The following ZNF148 variants were observed in gnomAD, a reference collection of about 807,000 sequenced individuals.
ZNF148 encodes zinc finger protein 148, also known as Beta-Enolase Repressor Factor-1.
Under a neutral mutation model 67.7 loss-of-function variants are expected in ZNF148, and 7 were observed. The ratio of observed to expected loss-of-function variants is 0.10; its 90% confidence interval spans 0.06 to 0.19. ZNF148 has a LOEUF of 0.19. Ranked by LOEUF, ZNF148 falls within the 10% of genes least tolerant of loss-of-function variation. ZNF148 has a pLI of 1.00. For synonymous variants in ZNF148, 333 were observed against 330.7 expected (o/e 1.01, Z -0.08); for missense variants, 583 against 947.1 (o/e 0.62, Z 5.05).
At chr3:125,260,451 T>C (rs942541828) in intron 7 of ZNF148, among the ~76,000 whole-genome samples, 10 of 152,232 alleles carry the variant, frequency 6.6e-5, no homozygotes, top group Admixed American at 5.9e-4. Context: ...CAATGAATTA[T>C]TGGTGCATCA....
chr3:125,239,291 C>T (rs941127361), intron 7 of ZNF148, among the ~76,000 whole-genome samples: 2 of 152,062 alleles, frequency 1.3e-5, no homozygotes, highest in South Asian at 2.1e-4. Flanking sequence ...AGATAAGGAA[C>T]GTGTATCCAG....
At chr3:125,338,132 A>T (rs984132056) in intron 1 of ZNF148, among the ~76,000 whole-genome samples, 23 of 151,958 alleles carry the variant, frequency 1.5e-4, no homozygotes, top group African/African-American at 5.6e-4. Flanking sequence ...CATCAACCAG[A>T]TCCTCCACCT....
chr3:125,315,333 G>A (rs1940432918), intron 3 of ZNF148, among the ~76,000 whole-genome samples: 1 of 152,032 alleles, frequency 6.6e-6, no homozygotes, highest in Non-Finnish European at 1.5e-5. Context: ...AAACTGACAG[G>A]AACACTATCA....
rs968171203 is a variant in ZNF148 at position 125,226,442 on chromosome 3, T to C, written c.*5899A>G. The C allele has an allele frequency of 2.0e-5, 3 of 152,568 alleles. No individual in the cohort carries two copies. The highest frequency in any genetic ancestry group is 7.2e-5 in the African/African-American group (3 of 41,460). The allele number at this position is 152,568 out of a possible 1,614,324, so 9.5% of individuals were successfully genotyped here. A position where few individuals can be genotyped will look rare whatever the true frequency, so the allele number is the denominator to read the frequency against. ...AATGCAGAATTTGCAAATATTAGTC[T>C]AATAATTCAATTTAAAGTAAAGCAA... On this transcript the variant is annotated 3_prime_UTR_variant, in exon 9 of 9. Transcript: ENST00000360647.
Position 125,339,868 on chromosome 3 carries a change from C to T in ZNF148, c.-233-8630G>A, listed in dbSNP as rs539376215. On this transcript the variant is annotated intron_variant, in intron 1 of 8. Transcript: ENST00000360647. ...ATATACCATTATTTTCAGACGAGATCGGGTGCGTTCAGGGTGGTATGGCCG... is the reference window on the plus strand; with the variant it reads ...ATATACCATTATTTTCAGACGAGATTGGGTGCGTTCAGGGTGGTATGGCCG... Among the ~76,000 whole-genome samples the T allele has an allele frequency of 5.4e-4, 82 of 152,214 alleles. No homozygotes were observed. In the Middle Eastern group the frequency reaches 0.024, roughly 44 times the overall value.
intron 7 of ZNF148, among the ~76,000 whole-genome samples, chr3:125,255,944 T>G (rs1443874555): frequency 6.6e-6 from 1 of 152,152 alleles, no homozygotes; most frequent in Non-Finnish European, 1.5e-5. Flanking sequence ...TAAAAAAAAT[T>G]TAACCTGCTT....
rs919967319 is a variant in ZNF148, at chr3:125,366,802, C to T, written c.-234+8300G>A. On this transcript the variant is annotated intron_variant, in intron 1 of 8. Coordinates refer to ENST00000360647, the MANE Select transcript of ZNF148 (RefSeq NM_021964.3). ...TCTCTCAGGCAGGAATGCTCTCTTT[C>T]AGTAATCTTTGCCAATCAAAATCCT... Among the ~76,000 whole-genome samples, 8 of 152,216 alleles carry T rather than the reference C, an allele frequency of 5.3e-5. No individual in the cohort carries two copies. The East Asian group carries it at 1.5e-3, about 29-fold the overall frequency.
chr3:125,369,481 C>A (rs1174115021), intron 1 of ZNF148, among the ~76,000 whole-genome samples: 1 of 149,772 alleles, frequency 6.7e-6, no homozygotes, highest in Non-Finnish European at 1.5e-5. Context: ...AGACCCCTTC[C>A]CCCAACAGCA....
chr3:125,369,225 G>A (rs565507965), intron 1 of ZNF148, among the ~76,000 whole-genome samples: 6 of 118,146 alleles, frequency 5.1e-5, no homozygotes, highest in East Asian at 2.4e-4. Flanking sequence ...TCACACCACC[G>A]GACTCCAGCC....
At chr3:125,265,803 A>G (rs1937519323) in intron 7 of ZNF148, among the ~76,000 whole-genome samples, 1 of 152,222 alleles carries the variant, frequency 6.6e-6, no homozygotes, top group African/African-American at 2.4e-5. Flanking sequence ...GTCTTCAAAC[A>G]GCAACAAATA....
At chr3:125,268,696 C>G (rs1385339146) in intron 7 of ZNF148, among the ~76,000 whole-genome samples, 5 of 152,110 alleles carry the variant, frequency 3.3e-5, no homozygotes, top group African/African-American at 1.2e-4. Flanking sequence ...TGAAAACTGA[C>G]AGGCAGGACA....
chr3:125,238,688 C>T (rs1038027772), intron 7 of ZNF148, among the ~76,000 whole-genome samples: 5 of 152,178 alleles, frequency 3.3e-5, no homozygotes, highest in Non-Finnish European at 4.4e-5. Context: ...GCTGTTGGGA[C>T]TGAGGAAGAG....
At chr3:125,323,677 C>T (rs2107694450) in intron 2 of ZNF148, among the ~76,000 whole-genome samples, 1 of 152,066 alleles carries the variant, frequency 6.6e-6, no homozygotes, top group Admixed American at 6.6e-5. Context: ...AGAACAATTG[C>T]CGGCCAGTCG....
intron 7 of ZNF148, among the ~76,000 whole-genome samples, chr3:125,249,293 T>C (rs1302763742): frequency 2.0e-5 from 3 of 152,128 alleles, no homozygotes; most frequent in Non-Finnish European, 4.4e-5. Context: ...ATATCCAAAA[T>C]GCAAAAGGAA....
chr3:125,324,647 G>C (rs1315389966), intron 2 of ZNF148, among the ~76,000 whole-genome samples: 1 of 152,198 alleles, frequency 6.6e-6, no homozygotes, highest in Non-Finnish European at 1.5e-5. Context: ...CACAAGAAGT[G>C]TGGAGACCAG....
intron 1 of ZNF148, among the ~76,000 whole-genome samples, chr3:125,351,762 A>G (rs960692652): frequency 6.6e-6 from 1 of 152,232 alleles, no homozygotes; most frequent in East Asian, 1.9e-4. Flanking sequence ...TTCTCCAAAA[A>G]ATACATACAA....
At chr3:125,338,515 C>A (rs1345239505) in intron 1 of ZNF148, among the ~76,000 whole-genome samples, 1 of 151,744 alleles carries the variant, frequency 6.6e-6, no homozygotes, top group Non-Finnish European at 1.5e-5. Context: ...AAGTAATTAG[C>A]CAGGCATGGT....
At chr3:125,265,307 C>A (rs1433549226) in intron 7 of ZNF148, among the ~76,000 whole-genome samples, 1 of 152,202 alleles carries the variant, frequency 6.6e-6, no homozygotes, top group African/African-American at 2.4e-5. Context: ...CACCCTGTAA[C>A]AATCAAGAGC....
intron 5 of ZNF148, among the ~76,000 whole-genome samples, chr3:125,286,435 C>T (rs1938660793): frequency 6.6e-6 from 1 of 152,150 alleles, no homozygotes; most frequent in Admixed American, 6.6e-5. Context: ...ACAGATACAC[C>T]TCAGGTCCAC....
Sources: allele counts gnomAD v4.1 joint callset (sites outside exome capture counted in the v4.1 genomes callset), GRCh38; gene constraint gnomAD v4.1.1; transcripts MANE v1.5; gene names NCBI Gene and HGNC (gene_info 2026-07-23, HGNC 2026-07-21).